Variants in GRAMD1C observed in about 807,000 individuals in gnomAD.
The protein encoded by GRAMD1C is GRAM domain containing 1C.
A neutral mutation model predicts 97.8 loss-of-function variants in GRAMD1C; 89 were observed. The observed-to-expected ratio is 0.91, with a 90% CI of 0.77 to 1.09. The LOEUF (loss-of-function observed/expected upper bound fraction) is 1.09. GRAMD1C is among the 50% of genes least tolerant of loss of function. The probability of loss-of-function intolerance (pLI) is 0.00; values close to 1 mark genes in which losing one functional copy is unlikely to be tolerated. For synonymous variants in GRAMD1C, 256 were observed against 267.0 expected, an observed-to-expected ratio of 0.96 and a Z score of 0.40; for missense variants, 740 against 766.4, an observed-to-expected ratio of 0.97 and a Z score of 0.41.
At chr3:113,936,557 TGG>T in intron 14 of GRAMD1C, 115 bp downstream of exon 14, 2 of 626,000 alleles carry the variant, frequency 3.2e-6, no homozygotes. Context: ...CCCTCCTTTT[TGG>T]ATAATGTTTA....
chr3:113,842,172 A>C (rs1356410421), intron 1 of GRAMD1C, among the ~76,000 whole-genome samples: 1 of 152,238 alleles, frequency 6.6e-6, no homozygotes, highest in Non-Finnish European at 1.5e-5. Context: ...AAAGTGAGGC[A>C]TACCTATTTG....
At chr3:113,897,538 A>G in intron 6 of GRAMD1C, 1 of 984,308 alleles carries the variant, frequency 1.0e-6, no homozygotes, top group Non-Finnish European at 1.2e-6. Context: ...CTGGTACTAC[A>G]ACCAGGAAGT....
chr3:113,842,553 G>C (rs912988510), intron 1 of GRAMD1C, among the ~76,000 whole-genome samples: 6 of 151,826 alleles, frequency 4.0e-5, no homozygotes, highest in African/African-American at 1.5e-4. Context: ...ACTTCAGGTG[G>C]AGGAGGTCTT....
At chr3:113,906,269 G>A (rs991280805) in intron 8 of GRAMD1C, among the ~76,000 whole-genome samples, 15 of 152,044 alleles carry the variant, frequency 9.9e-5, no homozygotes, top group Non-Finnish European at 1.9e-4. Flanking sequence ...TCCTTCAGGC[G>A]GAATTCCAGA....
intron 2 of GRAMD1C, among the ~76,000 whole-genome samples, chr3:113,848,163 C>G (rs879494724): frequency 2.0e-5 from 3 of 152,116 alleles, no homozygotes; most frequent in Non-Finnish European, 4.4e-5. Context: ...TTGGAGACTG[C>G]GAACAAAATA....
Position 113,945,624 on chromosome 3 carries a change from C to A in GRAMD1C, c.*146C>A, listed in dbSNP as rs1938035264. The A allele has an allele frequency of 3.5e-6, 2 of 565,924 alleles. No homozygotes were observed. Among genetic ancestry groups the A allele is most frequent in the Admixed American group, 3.6e-5 (1 of 27,536 alleles). The allele number at this position is 565,924 out of a possible 1,614,324, so 35.1% of individuals were successfully genotyped here. On this transcript the variant is annotated 3_prime_UTR_variant, in exon 18 of 18. Coordinates refer to ENST00000358160, the MANE Select transcript of GRAMD1C (RefSeq NM_017577.5). ...CTAATATGAACATTTCTTTCAGTAA[C>A]ATTTATTTGATAATTAGTTTCTGCT...
rs201592936 is a variant in GRAMD1C at position 113,838,955 on chromosome 3, T to C, written c.27+19T>C. 47 of 1,239,242 alleles carry C rather than the reference T, an allele frequency of 3.8e-5. No homozygotes were observed. In the African/African-American group the frequency reaches 7.2e-4, roughly 19 times the overall value. The allele number at this position is 1,239,242 out of a possible 1,614,324, so 76.8% of individuals were successfully genotyped here. Reference sequence around the variant, plus strand: ...CCGTCAGGTAAGCCGCGGGCCTCGCTGGGGCAGGTTCCCATCTGTGGCTTT... The same window carrying C: ...CCGTCAGGTAAGCCGCGGGCCTCGCCGGGGCAGGTTCCCATCTGTGGCTTT... On this transcript the variant is annotated intron_variant, in intron 1 of 17. Transcript: ENST00000358160.
At chr3:113,893,381 C>CT (rs35099680) in intron 6 of GRAMD1C, among the ~76,000 whole-genome samples, 31,976 of 146,640 alleles carry the variant, frequency 0.22, 3,311 homozygotes, top group Middle Eastern at 0.24. Context: ...AAATGTTCTG[C>CT]TTTTTTTTTT....
chr3:113,889,865 C>T (rs992578417), intron 6 of GRAMD1C, among the ~76,000 whole-genome samples: 11 of 151,972 alleles, frequency 7.2e-5, no homozygotes, highest in Non-Finnish European at 1.5e-4. Context: ...CTCGAACTCC[C>T]GACCTCAGGT....
chr3:113,881,642 C>G (rs1403985423), intron 5 of GRAMD1C, among the ~76,000 whole-genome samples: 1 of 152,092 alleles, frequency 6.6e-6, no homozygotes, highest in African/African-American at 2.4e-5. Flanking sequence ...AATTAGCAAG[C>G]ATAACACAGT....
chr3:113,870,676 C>T (rs1266245103), intron 3 of GRAMD1C, among the ~76,000 whole-genome samples: 2 of 151,832 alleles, frequency 1.3e-5, no homozygotes, highest in Non-Finnish European at 2.9e-5. Flanking sequence ...GTGCTTATTC[C>T]AGTATATCAC....
chr3:113,886,941 C>A (rs1255981850), intron 6 of GRAMD1C, among the ~76,000 whole-genome samples: 2 of 151,108 alleles, frequency 1.3e-5, no homozygotes, highest in African/African-American at 4.9e-5. Flanking sequence ...GCCACCACGC[C>A]CAGCTAATTT....
chr3:113,925,314 C>T (rs559786681), intron 10 of GRAMD1C, among the ~76,000 whole-genome samples: 121 of 152,228 alleles, frequency 7.9e-4, no homozygotes, highest in Admixed American at 1.2e-3. Context: ...ATGGTGAAAA[C>T]GCATCTCTAC....
intron 6 of GRAMD1C, chr3:113,885,722 A>C (rs763242988): frequency 5.2e-6 from 8 of 1,550,946 alleles, no homozygotes; most frequent in Non-Finnish European, 7.1e-6. Flanking sequence ...TTGCTGTGGC[A>C]GGTAAACTGG....
chr3:113,870,317 G>T (rs776017841), intron 3 of GRAMD1C, among the ~76,000 whole-genome samples: 13 of 151,820 alleles, frequency 8.6e-5, no homozygotes, highest in Non-Finnish European at 1.8e-4. Context: ...AGCTATGGTG[G>T]TGTCACTTCA....
chr3:113,933,773 C>G (rs1280867801), intron 12 of GRAMD1C, 120 bp downstream of exon 12: 10 of 706,652 alleles, frequency 1.4e-5, no homozygotes, highest in Non-Finnish European at 1.6e-5. Context: ...AATTACATTT[C>G]CAACAGGGGT....
rs779111265 is a variant in GRAMD1C, at chr3:113,945,430, G to A, written c.1941G>A (p.Thr647=). ...LKSSLIMLQK[T]FDLLNKNKTG... ...GCTCACTCATTATGCTTCAGAAAAC[G>A]TTTGATCTACTAAATAAGAATAAGA... Residue 647 remains threonine (T), a synonymous_variant, in exon 18 of 18, where the codon ACG becomes ACA. Transcript: ENST00000358160. 10 of 1,601,198 alleles carry A rather than the reference G, an allele frequency of 6.2e-6. No homozygotes were observed. Among genetic ancestry groups the A allele is most frequent in the East Asian group, 2.2e-5 (1 of 44,742 alleles).
upstream of GRAMD1C, among the ~76,000 whole-genome samples, chr3:113,837,187 G>A (rs192832343): frequency 4.0e-3 from 605 of 150,524 alleles, 8 homozygotes; most frequent in South Asian, 0.031. Context: ...GCCCAGGCTG[G>A]TCTTGAACTC....
chr3:113,936,666 G>A (rs1285828512), intron 14 of GRAMD1C: 1 of 371,174 alleles, frequency 2.7e-6, no homozygotes, highest in Non-Finnish European at 4.7e-6. Context: ...TTTGGCCCAT[G>A]TGTCATTTTA....
Sources: allele counts gnomAD v4.1 joint callset (sites outside exome capture counted in the v4.1 genomes callset), GRCh38; gene constraint gnomAD v4.1.1; transcripts MANE v1.5; gene names NCBI Gene and HGNC (gene_info 2026-07-23, HGNC 2026-07-21).